Variants in VRK2 observed in about 807,000 individuals in gnomAD.
VRK2 encodes serine/threonine-protein kinase VRK2.
A neutral mutation model predicts 57.6 loss-of-function variants in VRK2; 60 were observed. That is an observed-to-expected ratio of 1.04 (90% CI 0.85 to 1.29). The LOEUF (loss-of-function observed/expected upper bound fraction) is 1.29, where lower values mean the gene tolerates loss of function less well. Among genes scored for constraint, VRK2 ranks in the 50% most tolerant of loss-of-function variants. VRK2 has a pLI of 0.00. For missense variants in VRK2, 705 were observed against 588.1 expected, an observed-to-expected ratio of 1.20 and a Z score of -2.06; for synonymous variants, 231 against 199.2, an observed-to-expected ratio of 1.16 and a Z score of -1.35.
At chr2:57,979,420 GT>G (rs926053921) in intron 1 of VRK2, among the ~76,000 whole-genome samples, 14 of 150,970 alleles carry the variant, frequency 9.3e-5, no homozygotes, top group Non-Finnish European at 4.4e-5. Flanking sequence ...GCTTTTTAAT[GT>G]GTGCTGCTAG....
At chr2:58,061,586 A>G (rs909466679) in intron 2 of VRK2, among the ~76,000 whole-genome samples, 3 of 152,008 alleles carry the variant, frequency 2.0e-5, no homozygotes, top group Admixed American at 6.6e-5. Flanking sequence ...ATGTAAGTAA[A>G]CAGTAAAGCA....
At chr2:58,091,753 A>G (rs890239423) in intron 7 of VRK2, among the ~76,000 whole-genome samples, 1 of 152,156 alleles carries the variant, frequency 6.6e-6, no homozygotes, top group African/African-American at 2.4e-5. Flanking sequence ...GAAAAGAATG[A>G]ATAAACAGAA....
intron 1 of VRK2, among the ~76,000 whole-genome samples, chr2:57,981,499 G>C (rs1213001278): frequency 6.6e-6 from 1 of 152,154 alleles, no homozygotes; most frequent in Non-Finnish European, 1.5e-5. Flanking sequence ...TGGAGAATCT[G>C]ATGATTATGT....
rs764646647 is a variant in VRK2, at chr2:58,135,217, T to G, written c.856+18T>G. On this transcript the variant is annotated intron_variant, in intron 10 of 12. Transcript: ENST00000340157. ...CAGTTGCTGTAAGTCAAATAATAACTTCAACCTTCTCTTACGATTTACAGG... is the reference window on the plus strand; with the variant it reads ...CAGTTGCTGTAAGTCAAATAATAACGTCAACCTTCTCTTACGATTTACAGG... 6.2e-7 allele frequency: 1 copy of G among 1,613,926 alleles called. No individual in the cohort carries two copies. The highest frequency in any genetic ancestry group is 8.5e-7 in the Non-Finnish European group (1 of 1,179,850).
At chr2:58,158,718 A>AAAAC (rs1257455013) in intron 12 of VRK2, among the ~76,000 whole-genome samples, 1 of 152,282 alleles carries the variant, frequency 6.6e-6, no homozygotes, top group South Asian at 2.1e-4. Context: ...AGGAATGATG[A>AAAAC]AAACATAGAA....
At chr2:57,991,743 C>T (rs1672773020) in intron 1 of VRK2, among the ~76,000 whole-genome samples, 1 of 149,176 alleles carries the variant, frequency 6.7e-6, no homozygotes. Flanking sequence ...AGGTCTAGAT[C>T]GAGACTATCC....
At chr2:57,940,964 C>T (rs1293471794) in intron 1 of VRK2, among the ~76,000 whole-genome samples, 1 of 151,804 alleles carries the variant, frequency 6.6e-6, no homozygotes, top group Non-Finnish European at 1.5e-5. Context: ...TATTACAGAT[C>T]TTAGAGAGTA....
intron 12 of VRK2, among the ~76,000 whole-genome samples, chr2:58,148,745 A>G (rs1682541414): frequency 6.6e-6 from 1 of 151,624 alleles, no homozygotes; most frequent in Admixed American, 6.6e-5. Context: ...TATAGTTTGC[A>G]CCATCATTTA....
At chr2:57,966,785 G>T (rs960859780) in intron 1 of VRK2, among the ~76,000 whole-genome samples, 4 of 152,142 alleles carry the variant, frequency 2.6e-5, no homozygotes, top group Non-Finnish European at 5.9e-5. Context: ...GTTTATGGAA[G>T]TTTTTTAGGG....
rs141719281 is a variant in VRK2, at chr2:58,048,961, T to C, written c.130T>C (p.Tyr44His). 8.3e-5 allele frequency: 134 copies of C among 1,611,634 alleles called. 1 individual carries two copies. In the African/African-American group the frequency reaches 1.4e-3, roughly 17 times the overall value. Residue 44 changes from tyrosine (Y) to histidine (H), a missense_variant, in exon 2 of 13, where the codon TAT becomes CAT. Transcript: ENST00000340157. ...KIGSGGFGLI[Y>H]LAFPTNKPEK... ...TGGCTCTGGAGGATTTGGATTGATA[T>C]ATTTAGGTAAAGTAAAACCTTAAAT... is the stretch of plus-strand genomic sequence containing the variant.
At chr2:58,021,653 T>C (rs1208077328) in intron 1 of VRK2, among the ~76,000 whole-genome samples, 2 of 152,266 alleles carry the variant, frequency 1.3e-5, no homozygotes, top group East Asian at 1.9e-4. Context: ...AATAGAACTT[T>C]CCCTCTTTTC....
upstream of VRK2, chr2:58,046,642 G>C (rs1295044916): frequency 1.0e-6 from 1 of 985,564 alleles, no homozygotes; most frequent in East Asian, 1.1e-4. Context: ...TCTCCGGGGC[G>C]TGGACAGGCC....
chr2:57,965,041 T>C (rs1168682473), intron 1 of VRK2, among the ~76,000 whole-genome samples: 1 of 152,148 alleles, frequency 6.6e-6, no homozygotes, highest in African/African-American at 2.4e-5. Context: ...TAAATAAACT[T>C]TGGATCATTT....
chr2:58,035,839 T>C (rs1420231035), intron 3 of VRK2, among the ~76,000 whole-genome samples: 2 of 151,952 alleles, frequency 1.3e-5, no homozygotes, highest in Non-Finnish European at 2.9e-5. Flanking sequence ...AAATATGAAA[T>C]AGGAAAATGG....
chr2:58,004,246 T>C (rs1673177627), intron 1 of VRK2, among the ~76,000 whole-genome samples: 1 of 152,166 alleles, frequency 6.6e-6, no homozygotes, highest in Middle Eastern at 3.4e-3. Flanking sequence ...TATAATATGC[T>C]TTTATAGTTC....
At chr2:58,002,035 CG>C (rs1673106004) in intron 1 of VRK2, among the ~76,000 whole-genome samples, 1 of 151,988 alleles carries the variant, frequency 6.6e-6, no homozygotes, top group African/African-American at 2.4e-5. Flanking sequence ...GAATTCCTAC[CG>C]TATTTCACAA....
Position 58,068,811 on chromosome 2 carries a change from GAAA to G in VRK2, c.137-15262_137-15260del, listed in dbSNP as rs60586801. Among the ~76,000 whole-genome samples the G allele has an allele frequency of 5.1e-3, 656 of 129,708 alleles. 1 individual carries two copies. Among genetic ancestry groups the G allele is most frequent in the Middle Eastern group, 0.02 (5 of 250 alleles). The allele number at this position is 129,708 out of a possible 152,430, so 85.1% of individuals were successfully genotyped here. On this transcript the variant is annotated intron_variant, in intron 2 of 12. Transcript: ENST00000340157. ...CCCTAATTGTATTGCACCCCCTCAGGAAAAAAAAAAAAAAAAAACAAAAACTCG... is the reference window on the plus strand; with the variant it reads ...CCCTAATTGTATTGCACCCCCTCAGGAAAAAAAAAAAAAAACAAAAACTCG...
At chr2:58,152,361 A>G (rs10172212) in intron 12 of VRK2, among the ~76,000 whole-genome samples, 1 of 151,648 alleles carries the variant, frequency 6.6e-6, no homozygotes, top group Non-Finnish European at 1.5e-5. Context: ...AAGAACCTTA[A>G]AAATATATAC....
chr2:58,107,347 A>G (rs181605246), intron 7 of VRK2, among the ~76,000 whole-genome samples: 44 of 152,214 alleles, frequency 2.9e-4, no homozygotes, highest in Admixed American at 9.8e-4. Context: ...TCATACTGCA[A>G]AGTAACTGGC....
Sources: allele counts gnomAD v4.1 joint callset (sites outside exome capture counted in the v4.1 genomes callset), GRCh38; gene constraint gnomAD v4.1.1; transcripts MANE v1.5; gene names NCBI Gene and HGNC (gene_info 2026-07-23, HGNC 2026-07-21).